KIF21A: variants seen among roughly 807,000 people sequenced by gnomAD.
The protein encoded by KIF21A is kinesin-like protein KIF21A.
A neutral mutation model predicts 202.9 loss-of-function variants in KIF21A; 114 were observed. That is an observed-to-expected ratio of 0.56 (90% CI 0.48 to 0.66). KIF21A has a LOEUF of 0.66. Ranked by LOEUF, KIF21A falls within the 30% of genes least tolerant of loss-of-function variation. The pLI, the probability that KIF21A is intolerant of heterozygous loss-of-function variation, is 0.00. For synonymous variants in KIF21A, 667 were observed against 670.8 expected (o/e 0.99, Z 0.09); for missense variants, 1,677 against 1,994.9 (o/e 0.84, Z 3.04).
Position 39,351,889 on chromosome 12 carries a change from A to T in KIF21A, c.1561T>A (p.Ser521Thr). 6.2e-7 allele frequency: 1 copy of T among 1,613,212 alleles called. No individual in the cohort carries two copies. The highest frequency in any genetic ancestry group is 8.5e-7 in the Non-Finnish European group (1 of 1,179,352). The change falls in exon 11 of 38, where the codon TCA becomes ACA. Residue 521 changes from serine (S) to threonine (T), a missense_variant. By Grantham distance (58) the Ser-to-Thr change is moderately conservative. Coordinates refer to ENST00000361418, the MANE Select transcript of KIF21A (RefSeq NM_001173464.2). ...GATAGTATGGTAGGAGAAAAAGTTG[A>T]TGATCCGCTGAAATATGGCGCTCTT... ...TARAPYFSGSSTFSPTILSSD... is the reference protein window; with the variant it reads ...TARAPYFSGSTTFSPTILSSD...
intron 24 of KIF21A, among the ~76,000 whole-genome samples, chr12:39,329,483 A>G (rs56326136): frequency 0.097 from 14,727 of 152,076 alleles, 835 homozygotes; most frequent in South Asian, 0.29. Context: ...GAAGGGGGAG[A>G]AAGATAAAGA....
intron 1 of KIF21A, among the ~76,000 whole-genome samples, chr12:39,425,024 G>A (rs967816431): frequency 1.3e-5 from 2 of 151,652 alleles, no homozygotes; most frequent in Non-Finnish European, 2.9e-5. Flanking sequence ...TCTATATCTG[G>A]CTATACTGTC....
intron 17 of KIF21A, among the ~76,000 whole-genome samples, chr12:39,336,752 A>T (rs1947008193): frequency 6.6e-6 from 1 of 152,170 alleles, no homozygotes; most frequent in African/African-American, 2.4e-5. Context: ...GTGATAAAAC[A>T]TTCTTCAGAA....
At chr12:39,311,719 A>G in intron 31 of KIF21A, 166 bp from the exon 32 acceptor site, 1 of 678,648 alleles carries the variant, frequency 1.5e-6, no homozygotes, top group Non-Finnish European at 2.6e-6. Context: ...GTGTGAAATA[A>G]TAATAGTGAT....
chr12:39,306,711 T>A (rs1184284968), intron 34 of KIF21A, among the ~76,000 whole-genome samples: 3 of 152,166 alleles, frequency 2.0e-5, no homozygotes, highest in Admixed American at 6.5e-5. Flanking sequence ...TTCTCCATTA[T>A]AAGATGAGCT....
intron 1 of KIF21A, among the ~76,000 whole-genome samples, chr12:39,387,601 T>C (rs1951037750): frequency 6.6e-6 from 1 of 152,186 alleles, no homozygotes; most frequent in African/African-American, 2.4e-5. Flanking sequence ...TCTCCTCTGC[T>C]GCTGTCTTTT....
intron 1 of KIF21A, among the ~76,000 whole-genome samples, chr12:39,373,150 C>T (rs904938080): frequency 1.3e-5 from 2 of 152,176 alleles, no homozygotes; most frequent in African/African-American, 2.4e-5. Flanking sequence ...CACTACCCTG[C>T]GTAAAACCCT....
chr12:39,307,675 T>G lies in KIF21A; in HGVS notation c.4332A>C (p.Thr1444=). 1.2e-6 allele frequency: 2 copies of G among 1,614,124 alleles called. No individual in the cohort carries two copies. Among genetic ancestry groups the G allele is most frequent in the Admixed American group, 1.7e-5 (1 of 60,016 alleles). ...GGTTCTCTCCAGAAGGAATAGCTAC[T>G]GTTCGACTGGTACTTGCAGAACAAG... The part of the protein sequence containing the change: ...GDACSASTSR[T]VAIPSGENQI... The change falls in exon 34 of 38, where the codon ACA becomes ACC. Residue 1444 remains threonine (T), a synonymous_variant. Coordinates refer to ENST00000361418, the MANE Select transcript of KIF21A (RefSeq NM_001173464.2).
intron 24 of KIF21A, 145 bp from the exon 25 acceptor site, chr12:39,326,469 T>C (rs1945929748): frequency 1.5e-6 from 1 of 683,978 alleles, no homozygotes; most frequent in East Asian, 2.7e-5. Flanking sequence ...TAGACAGAAT[T>C]GTAGAAAAGT....
intron 1 of KIF21A, among the ~76,000 whole-genome samples, chr12:39,400,102 T>C (rs1361797413): frequency 6.6e-6 from 1 of 152,124 alleles, no homozygotes; most frequent in Non-Finnish European, 1.5e-5. Context: ...CACAAAAAAT[T>C]CTTCCTGGTT....
chr12:39,440,371 A>G (rs61931050), intron 1 of KIF21A, among the ~76,000 whole-genome samples: 19,401 of 152,208 alleles, frequency 0.13, 1,359 homozygotes, highest in Non-Finnish European at 0.17. Flanking sequence ...TTTGTTACCA[A>G]TTTAACTTTG....
At chr12:39,326,164 T>C in intron 25 of KIF21A, 100 bp downstream of exon 25, 1 of 941,026 alleles carries the variant, frequency 1.1e-6, no homozygotes, top group East Asian at 2.6e-5. Context: ...GGCCATTAGA[T>C]TGAAAATTAT....
In KIF21A at chr12:39,330,248, G is replaced by T; in HGVS notation, c.3334C>A (p.Pro1112Thr). ...GHALQDLDSVPLENVEDSTDE... is the reference protein window; with the variant it reads ...GHALQDLDSVTLENVEDSTDE... Reference sequence around the variant, plus strand: ...GAAAGCTAAACATACTTACCTAATGGTACGCTATCTAGATCTGTGTAAATA... The same window carrying T: ...GAAAGCTAAACATACTTACCTAATGTTACGCTATCTAGATCTGTGTAAATA... The change falls in exon 24 of 38, where the codon CCA (proline) becomes ACA (threonine). Residue 1112 changes from proline to threonine, a missense_variant. Pro to Thr is a conservative substitution (Grantham distance 38). Around this residue, in one of 3 missense-constraint regions of KIF21A, gnomAD observed 705 missense variants for 791.9 expected, o/e 0.89. Coordinates refer to ENST00000361418, the MANE Select transcript of KIF21A (RefSeq NM_001173464.2). 6.2e-7 allele frequency: 1 copy of T among 1,611,900 alleles called. No individual in the cohort carries two copies. The highest frequency in any genetic ancestry group is 1.1e-5 in the South Asian group (1 of 91,016).
At chr12:39,303,183 A>C in intron 35 of KIF21A, 48 bp from the exon 36 acceptor site, 1 of 1,520,102 alleles carries the variant, frequency 6.6e-7, no homozygotes, top group Non-Finnish European at 9.1e-7. Flanking sequence ...TTGCAAATAA[A>C]CACCAATATT....
chr12:39,326,396 C>A (rs1406833610), intron 24 of KIF21A, 72 bp from the exon 25 acceptor site: 11 of 998,858 alleles, frequency 1.1e-5, no homozygotes, highest in Non-Finnish European at 1.6e-5. Flanking sequence ...AATCCATAGG[C>A]TGTAATAAAC....
rs192155535 is a variant in KIF21A at position 39,298,481 on chromosome 12, G to A, written c.4931+2999C>T. Among the ~76,000 whole-genome samples, 1,235 of 147,910 alleles carry A rather than the reference G, an allele frequency of 8.3e-3. 17 individuals carry two copies. The highest frequency in any genetic ancestry group is 0.031 in the African/African-American group (1,149 of 37,492). On this transcript the variant is annotated intron_variant, in intron 37 of 37. Transcript: ENST00000361418. ...TGTTCAATTTCTGACCGGTATAGTA[G>A]AGAGATACCACTGAACACCTGGGAC...
intron 1 of KIF21A, among the ~76,000 whole-genome samples, chr12:39,378,968 A>G (rs545942424): frequency 6.6e-6 from 1 of 152,264 alleles, no homozygotes; most frequent in Non-Finnish European, 1.5e-5. Flanking sequence ...AAAATAAGTC[A>G]AAACTTCTTG....
Position 39,309,710 on chromosome 12 carries a change from C to T in KIF21A, c.4153G>A (p.Gly1385Ser), listed in dbSNP as rs1407687334. Residue 1385 changes from glycine (G) to serine (S), a missense_variant, in exon 33 of 38, where the codon GGT becomes AGT. By Grantham distance (56) the Gly-to-Ser change is moderately conservative. Around this residue, in one of 3 missense-constraint regions of KIF21A, gnomAD observed 705 missense variants for 791.9 expected, o/e 0.89. Transcript: ENST00000361418. Reference protein sequence around the residue: ...VTGQEIMSLGGHPNNVVSVKY... With the variant: ...VTGQEIMSLGSHPNNVVSVKY... ...ACAGACACGACATTGTTGGGATGACCCCCCAGTGACATTATTTCCTGCCCA... is the reference window on the plus strand; with the variant it reads ...ACAGACACGACATTGTTGGGATGACTCCCCAGTGACATTATTTCCTGCCCA... 3.7e-6 allele frequency: 6 copies of T among 1,613,244 alleles called. No homozygotes were observed. The highest frequency in any genetic ancestry group is 4.5e-5 in the East Asian group (2 of 44,838).
At chr12:39,377,771 C>T (rs1011225405) in intron 1 of KIF21A, among the ~76,000 whole-genome samples, 1 of 152,214 alleles carries the variant, frequency 6.6e-6, no homozygotes, top group East Asian at 1.9e-4. Flanking sequence ...GACAATAAAG[C>T]ACAGTAATGT....
Sources: allele counts gnomAD v4.1 joint callset (sites outside exome capture counted in the v4.1 genomes callset), GRCh38; gene constraint gnomAD v4.1.1; regional missense constraint gnomAD v4.1.1; transcripts MANE v1.5; gene names NCBI Gene and HGNC (gene_info 2026-07-23, HGNC 2026-07-21).